Variants in DCDC1 observed in about 807,000 individuals in gnomAD.
DCDC1 encodes the protein doublecortin domain-containing protein 1.
In DCDC1, 200 loss-of-function variants were observed where a neutral mutation model predicts 178.3. The ratio of observed to expected loss-of-function variants is 1.12; its 90% CI spans 1.00 to 1.26. DCDC1 has a LOEUF of 1.26. DCDC1 is among the 50% of genes most tolerant of loss of function. The pLI, the probability that DCDC1 is intolerant of heterozygous loss-of-function variation, is 0.00. For synonymous variants in DCDC1, 690 were observed against 604.8 expected (o/e 1.14, Z -2.07); for missense variants, 1,983 against 1,749.2 (o/e 1.13, Z -2.38).
intron 9 of DCDC1, among the ~76,000 whole-genome samples, chr11:31,153,144 G>A (rs1354400178): frequency 6.6e-6 from 1 of 152,128 alleles, no homozygotes; most frequent in Non-Finnish European, 1.5e-5. Flanking sequence ...CAATGTCACT[G>A]TCCACTCCAA....
intron 21 of DCDC1, among the ~76,000 whole-genome samples, chr11:30,945,734 AT>A (rs1713621912): frequency 6.9e-6 from 1 of 145,372 alleles, no homozygotes. Flanking sequence ...CTATCTATCT[AT>A]CTATCTATCT....
chr11:30,982,653 A>G (rs183875066), intron 20 of DCDC1, among the ~76,000 whole-genome samples: 170 of 148,864 alleles, frequency 1.1e-3, no homozygotes, highest in African/African-American at 2.9e-3. Flanking sequence ...TTAATCTGCA[A>G]TTTTTCACAT....
intron 9 of DCDC1, among the ~76,000 whole-genome samples, chr11:31,197,078 A>T (rs1970778950): frequency 6.6e-6 from 1 of 152,144 alleles, no homozygotes; most frequent in Non-Finnish European, 1.5e-5. Context: ...TGTCAGGAAC[A>T]GGGACAGGAC....
intron 13 of DCDC1, among the ~76,000 whole-genome samples, chr11:31,104,491 T>A (rs976443050): frequency 7.9e-5 from 12 of 151,932 alleles, no homozygotes; most frequent in African/African-American, 2.9e-4. Context: ...AATAAATTAA[T>A]GTCATGAAAA....
intron 20 of DCDC1, among the ~76,000 whole-genome samples, chr11:31,043,948 C>T (rs1954649338): frequency 6.6e-6 from 1 of 151,816 alleles, no homozygotes; most frequent in Non-Finnish European, 1.5e-5. Flanking sequence ...AGACCTTTAC[C>T]AGATTGCAGG....
At chr11:31,098,869 T>C (rs573796691) in intron 15 of DCDC1, among the ~76,000 whole-genome samples, 1 of 152,312 alleles carries the variant, frequency 6.6e-6, no homozygotes, top group East Asian at 1.9e-4. Flanking sequence ...CTAGCCAGTT[T>C]ATCAAATTTT....
chr11:31,129,451 G>C (rs1411919410), intron 10 of DCDC1, among the ~76,000 whole-genome samples: 1 of 151,964 alleles, frequency 6.6e-6, no homozygotes, highest in African/African-American at 2.4e-5. Context: ...TTTTGGCTTT[G>C]TAGGCCATAA....
chr11:31,304,244 C>T (rs1948309278), intron 6 of DCDC1, among the ~76,000 whole-genome samples: 1 of 152,050 alleles, frequency 6.6e-6, no homozygotes, highest in Admixed American at 6.6e-5. Context: ...GTCTCTTCTA[C>T]AATACCATTA....
chr11:30,950,646 A>C (rs1948360406), intron 21 of DCDC1, among the ~76,000 whole-genome samples: 1 of 152,158 alleles, frequency 6.6e-6, no homozygotes, highest in South Asian at 2.1e-4. Flanking sequence ...GGAGCAAAAA[A>C]ATAAATAAAA....
intron 1 of DCDC1, among the ~76,000 whole-genome samples, chr11:31,347,944 T>C (rs776446233): frequency 3.3e-4 from 50 of 152,328 alleles, no homozygotes; most frequent in Middle Eastern, 3.4e-3. Flanking sequence ...AGCCCAGAAG[T>C]GACAAGATCA....
At chr11:31,012,142 C>T (rs1248537075) in intron 20 of DCDC1, among the ~76,000 whole-genome samples, 1 of 152,172 alleles carries the variant, frequency 6.6e-6, no homozygotes, top group Non-Finnish European at 1.5e-5. Context: ...CCTGAGGTCT[C>T]CCCAACCATG....
chr11:30,880,433 A>G (rs938918810), intron 37 of DCDC1, among the ~76,000 whole-genome samples: 1 of 152,314 alleles, frequency 6.6e-6, no homozygotes, highest in African/African-American at 2.4e-5. Context: ...TGGTTTGCCT[A>G]CATTACATAC....
intron 9 of DCDC1, among the ~76,000 whole-genome samples, chr11:31,212,412 G>A (rs1972671220): frequency 6.6e-6 from 1 of 152,000 alleles, no homozygotes; most frequent in Admixed American, 6.6e-5. Flanking sequence ...GACAAATTTA[G>A]GGAGAAATGT....
At chr11:30,932,462 A>C (rs1946993409) in intron 21 of DCDC1, among the ~76,000 whole-genome samples, 1 of 152,198 alleles carries the variant, frequency 6.6e-6, no homozygotes, top group African/African-American at 2.4e-5. Flanking sequence ...AGTTTGTATC[A>C]ATTTATCCAT....
At chr11:30,907,339 A>T (rs923400668) in intron 29 of DCDC1, among the ~76,000 whole-genome samples, 15 of 152,206 alleles carry the variant, frequency 9.9e-5, no homozygotes, top group African/African-American at 3.6e-4. Flanking sequence ...TTATTTGTAA[A>T]GATGGCCACA....
At chr11:31,114,800 A>G (rs913712736) in intron 11 of DCDC1, among the ~76,000 whole-genome samples, 2 of 152,196 alleles carry the variant, frequency 1.3e-5, no homozygotes, top group Non-Finnish European at 2.9e-5. Context: ...TGACTTATTA[A>G]CACATTTTTT....
intron 7 of DCDC1, among the ~76,000 whole-genome samples, chr11:31,266,158 T>G (rs1945145938): frequency 6.6e-6 from 1 of 152,144 alleles, no homozygotes; most frequent in South Asian, 2.1e-4. Context: ...CTTATGTTGT[T>G]TGGGTACTAA....
chr11:31,362,190 G>T (rs977537119), intron 1 of DCDC1, among the ~76,000 whole-genome samples: 1 of 151,898 alleles, frequency 6.6e-6, no homozygotes, highest in Non-Finnish European at 1.5e-5. Context: ...ATAGATACAG[G>T]TACACTGTAC....
At chr11:30,903,453 T>G in intron 32 of DCDC1, 29 bp downstream of exon 32, 1 of 1,523,494 alleles carries the variant, frequency 6.6e-7, no homozygotes, top group Non-Finnish European at 8.8e-7. Flanking sequence ...ATAAGTAGAA[T>G]CAGCTAAATG....
Sources: allele counts gnomAD v4.1 joint callset (sites outside exome capture counted in the v4.1 genomes callset), GRCh38; gene constraint gnomAD v4.1.1; transcripts MANE v1.5; gene names NCBI Gene and HGNC (gene_info 2026-07-23, HGNC 2026-07-21).